The following DAB1 variants were observed in gnomAD, a reference collection of about 807,000 sequenced individuals.
The protein encoded by DAB1 is DAB adaptor protein 1, also known as disabled homolog 1.
Under a neutral mutation model 64.6 loss-of-function variants are expected in DAB1, and 15 were observed. The observed-to-expected ratio is 0.23, with a 90% CI of 0.16 to 0.36. The LOEUF (loss-of-function observed/expected upper bound fraction) is 0.36. Among genes scored for constraint, DAB1 ranks in the 10% least tolerant of loss-of-function variants. The pLI, the probability that DAB1 is intolerant of heterozygous loss-of-function variation, is 1.00. For missense variants in DAB1, 596 were observed against 706.7 expected (o/e 0.84, Z 1.78); for synonymous variants, 235 against 251.9 (o/e 0.93, Z 0.64).
At chr1:57,022,803 CA>C (rs2100374065) in intron 11 of DAB1, among the ~76,000 whole-genome samples, 1 of 152,342 alleles carries the variant, frequency 6.6e-6, no homozygotes, top group South Asian at 2.1e-4. Context: ...CCATGTATGT[CA>C]AAAACAGAAC....
chr1:57,011,094 A>T (rs1646252503), intron 13 of DAB1, 51 bp downstream of exon 13: 1 of 1,609,084 alleles, frequency 6.2e-7, no homozygotes, highest in African/African-American at 1.3e-5. Flanking sequence ...TCAGTTACAG[A>T]GGTCTTAATT....
At chr1:57,691,563 G>T (rs1017828534) in intron 6 of DAB1, among the ~76,000 whole-genome samples, 1 of 152,122 alleles carries the variant, frequency 6.6e-6, no homozygotes, top group African/African-American at 2.4e-5. Flanking sequence ...ACCTTTAAGA[G>T]CTGTAACATT....
At chr1:57,073,563 G>A (rs1483667026) in intron 4 of DAB1, among the ~76,000 whole-genome samples, 1 of 152,062 alleles carries the variant, frequency 6.6e-6, no homozygotes, top group Non-Finnish European at 1.5e-5. Flanking sequence ...GGGTGCTTAT[G>A]GTATGTTTAA....
Position 57,527,218 on chromosome 1 carries a change from G to A in DAB1, n.625+122374C>T, listed in dbSNP as rs535694377. On this transcript the variant is annotated intron_variant and non_coding_transcript_variant, in intron 7 of 20. Coordinates refer to the DAB1 transcript ENST00000485760. ...GTCCAAGACGCACCTGTCTCAGACC[G>A]ATTCCTTATCCAGATGGACTCTGAG... Among the ~76,000 whole-genome samples the A allele has an allele frequency of 3.4e-4, 52 of 152,238 alleles. No homozygotes were observed. The South Asian group carries it at 0.01, about 30-fold the overall frequency.
At chr1:57,789,479 G>A (rs1650491505) in intron 6 of DAB1, among the ~76,000 whole-genome samples, 1 of 152,112 alleles carries the variant, frequency 6.6e-6, no homozygotes, top group Admixed American at 6.5e-5. Flanking sequence ...CTAGATCAGG[G>A]TGCCAGCATG....
In DAB1 at chr1:58,208,514, G is replaced by C. The variant is rs1658395243; in HGVS notation, n.310-57926C>G. On this transcript the variant is annotated intron_variant and non_coding_transcript_variant, in intron 4 of 20. Coordinates refer to the DAB1 transcript ENST00000485760. Reference sequence around the variant, plus strand: ...TATTCCTTTGTATCCTTGTAGCTTAGCTCCCACTTATAAGTGAGAACATAT... The same window carrying C: ...TATTCCTTTGTATCCTTGTAGCTTACCTCCCACTTATAAGTGAGAACATAT... 3.3e-5 allele frequency among the ~76,000 whole-genome samples: 5 copies of C among 152,084 alleles called. No homozygotes were observed. In the South Asian group the frequency reaches 1.0e-3, roughly 32 times the overall value.
intron 6 of DAB1, among the ~76,000 whole-genome samples, chr1:57,680,772 G>T (rs906474728): frequency 6.6e-6 from 1 of 152,170 alleles, no homozygotes; most frequent in Non-Finnish European, 1.5e-5. Flanking sequence ...TGATGTCTAA[G>T]GATGTGAGAA....
chr1:57,772,158 T>C (rs1241364104), intron 6 of DAB1, among the ~76,000 whole-genome samples: 2 of 152,064 alleles, frequency 1.3e-5, no homozygotes, highest in Admixed American at 1.3e-4. Flanking sequence ...GGGTTTCTTA[T>C]AAAAGGATAA....
chr1:58,468,904 G>A (rs1193658925), intron 3 of DAB1: 2 of 238,606 alleles, frequency 8.4e-6, no homozygotes, highest in African/African-American at 4.6e-5. Context: ...CTTGAAGAGT[G>A]ATCTGAGTGG....
chr1:58,074,576 A>ATATATATATATATATG (rs1649519044), intron 5 of DAB1, among the ~76,000 whole-genome samples: 1 of 126,072 alleles, frequency 7.9e-6, no homozygotes, highest in African/African-American at 3.0e-5. Flanking sequence ...ATATATATAT[A>ATATATATATATATATG]TATATATATA....
intron 3 of DAB1, among the ~76,000 whole-genome samples, chr1:58,423,283 T>C (rs191091493): frequency 1.3e-5 from 2 of 152,288 alleles, no homozygotes; most frequent in African/African-American, 4.8e-5. Context: ...CCAGATCTCA[T>C]CATTTCCACA....
At chr1:58,449,213 G>A (rs1257399346) in intron 3 of DAB1, among the ~76,000 whole-genome samples, 1 of 152,198 alleles carries the variant, frequency 6.6e-6, no homozygotes, top group African/African-American at 2.4e-5. Context: ...TGGAATCGAG[G>A]AGAAAAGAGA....
chr1:57,078,509 G>GA (rs940857457), intron 4 of DAB1, among the ~76,000 whole-genome samples: 2 of 151,988 alleles, frequency 1.3e-5, no homozygotes, highest in East Asian at 1.9e-4. Context: ...CCACCAGAAT[G>GA]AAAAAAACAG....
intron 4 of DAB1, among the ~76,000 whole-genome samples, chr1:57,110,120 T>C (rs1655523316): frequency 6.6e-6 from 1 of 152,212 alleles, no homozygotes. Context: ...TGTCTGTTCA[T>C]TTATCACATG....
At chr1:57,984,589 A>T (rs1340225925) in intron 5 of DAB1, among the ~76,000 whole-genome samples, 1 of 152,204 alleles carries the variant, frequency 6.6e-6, no homozygotes, top group Non-Finnish European at 1.5e-5. Flanking sequence ...TAGAATTTGG[A>T]GGCAAGTTAC....
chr1:57,849,836 T>C (rs889356483), intron 1 of DAB1, among the ~76,000 whole-genome samples: 1 of 152,242 alleles, frequency 6.6e-6, no homozygotes, highest in East Asian at 1.9e-4. Context: ...TGTGTATGTA[T>C]GTGTATGCAC....
At chr1:57,812,557 T>A (rs1651680390) in intron 6 of DAB1, among the ~76,000 whole-genome samples, 1 of 152,090 alleles carries the variant, frequency 6.6e-6, no homozygotes, top group Non-Finnish European at 1.5e-5. Context: ...ATTTGACAAG[T>A]GGGCTCCGCA....
rs1644421861 is a variant in DAB1, at chr1:57,898,309, A to T, written n.388-14147T>A. On this transcript the variant is annotated intron_variant and non_coding_transcript_variant, in intron 5 of 20. Coordinates refer to the DAB1 transcript ENST00000485760. Reference sequence around the variant, plus strand: ...CCTCATTTTTGAGTCTACTACTACCAATGGCTGGGATTTTTCCATATTTCT... The same window carrying T: ...CCTCATTTTTGAGTCTACTACTACCTATGGCTGGGATTTTTCCATATTTCT... Among the ~76,000 whole-genome samples, 5 of 152,276 alleles carry T rather than the reference A, an allele frequency of 3.3e-5. No homozygotes were observed. In the South Asian group the frequency reaches 1.0e-3, roughly 32 times the overall value.
intron 1 of DAB1, among the ~76,000 whole-genome samples, chr1:57,303,055 C>T (rs756086677): frequency 1.3e-5 from 2 of 152,182 alleles, no homozygotes; most frequent in Non-Finnish European, 2.9e-5. Flanking sequence ...CCCAAAGATG[C>T]TCAAGCCCTA....
Sources: gnomAD v4.1 joint callset for allele counts (sites outside exome capture counted in the v4.1 genomes callset) on GRCh38, gnomAD v4.1.1 for gene constraint, MANE v1.5 for transcripts, NCBI Gene and HGNC (gene_info 2026-07-23, HGNC 2026-07-21) for gene names.